The following DMD variants were observed in gnomAD, a reference collection of about 807,000 sequenced individuals.
The protein encoded by DMD is dystrophin, also known as mutant dystrophin.
Under a neutral mutation model 330.1 loss-of-function variants are expected in DMD, and 63 were observed. The ratio of observed to expected loss-of-function variants is 0.19; its 90% CI spans 0.16 to 0.24. The LOEUF (loss-of-function observed/expected upper bound fraction) is 0.24. DMD is among the 10% of genes least tolerant of loss of function. The pLI, the probability that DMD is intolerant of heterozygous loss-of-function variation, is 1.00. For synonymous variants in DMD, 1,223 were observed against 959.8 expected (o/e 1.27, Z -5.07); for missense variants, 3,344 against 2,684.1 (o/e 1.25, Z -5.43).
chrX:32,999,255 C>G (rs1209431974), intron 2 of DMD, among the ~76,000 whole-genome samples: 1 of 112,236 alleles, frequency 8.9e-6, no homozygotes, highest in Non-Finnish European at 1.9e-5. Flanking sequence ...CAGCCCAACA[C>G]AAATTTGTAA....
At chrX:32,575,530 A>AAAGTGAC (rs2052940547) in intron 13 of DMD, among the ~76,000 whole-genome samples, 1 of 112,559 alleles carries the variant, frequency 8.9e-6, no homozygotes. Flanking sequence ...GCGAGCTTAA[A>AAAGTGAC]TCAATGAATT....
At chrX:32,726,413 T>A (rs1486031576) in intron 7 of DMD, among the ~76,000 whole-genome samples, 1 of 111,510 alleles carries the variant, frequency 9.0e-6, no homozygotes, top group Non-Finnish European at 1.9e-5. Context: ...TTATATCTAC[T>A]TGATGGTCAT....
chrX:32,385,810 TG>T (rs1476178392), intron 33 of DMD, among the ~76,000 whole-genome samples: 3 of 110,149 alleles, frequency 2.7e-5, no homozygotes, highest in Non-Finnish European at 5.7e-5. Context: ...TTGCAAGTCT[TG>T]GCCATATAGG....
rs770805258 is a variant in DMD at position 32,573,702 on chromosome X, T to TC, written c.1704+42dup. 1.0e-4 allele frequency: 119 copies of TC among 1,185,839 alleles called. No homozygotes were observed. The East Asian group carries it at 3.1e-3, about 30-fold the overall frequency. The stretch of plus-strand genomic sequence containing the variant: ...AAATCTTTACTTTTCCAATTTAATA[T>TC]CCCCCCGTGTCTTTTACAGCTAGTT... On this transcript the variant is annotated intron_variant, in intron 14 of 78. Transcript: ENST00000357033.
At chrX:32,998,368 CAAAAAAAA>C (rs35708010) in intron 2 of DMD, among the ~76,000 whole-genome samples, 17 of 34,679 alleles carry the variant, frequency 4.9e-4, no homozygotes, top group South Asian at 2.3e-3. Context: ...GACCCAGTGT[CAAAAAAAA>C]AAAAAAAAAA....
rs768125310 is a variant in DMD at position 31,810,170 on chromosome X, T to C, written c.7309+9805A>G. On this transcript the variant is annotated intron_variant, in intron 50 of 78. Coordinates refer to ENST00000357033, the MANE Select transcript of DMD (RefSeq NM_004006.3). ...AAAAGGGTATATATAGACTTTATGA[T>C]GTGACAGAGTCATGGGAAGACCAGT... 1.1e-4 allele frequency among the ~76,000 whole-genome samples: 12 copies of C among 111,605 alleles called. No individual in the cohort carries two copies. In the East Asian group the frequency reaches 3.4e-3, roughly 32 times the overall value.
intron 44 of DMD, among the ~76,000 whole-genome samples, chrX:32,093,579 A>C (rs2096488755): frequency 8.9e-6 from 1 of 112,089 alleles, no homozygotes; most frequent in South Asian, 3.6e-4. Flanking sequence ...ATTAGAAATT[A>C]CCATAAATTA....
At chrX:31,471,935 C>A (rs2067331333) in intron 59 of DMD, among the ~76,000 whole-genome samples, 1 of 112,004 alleles carries the variant, frequency 8.9e-6, no homozygotes, top group East Asian at 2.8e-4. Context: ...ATTGCAATTG[C>A]ATGCTTTGTA....
intron 2 of DMD, among the ~76,000 whole-genome samples, chrX:32,928,625 C>A (rs186408024): frequency 8.9e-6 from 1 of 111,785 alleles, no homozygotes; most frequent in Admixed American, 9.6e-5. Flanking sequence ...GTAAAACTTG[C>A]AATGATTTGT....
chrX:31,646,267 G>T (rs763337184), intron 54 of DMD, among the ~76,000 whole-genome samples: 23 of 110,850 alleles, frequency 2.1e-4, no homozygotes, highest in Non-Finnish European at 3.8e-4. Context: ...GTGTGTGTGT[G>T]TGTGTGTGTG....
intron 1 of DMD, among the ~76,000 whole-genome samples, chrX:33,310,597 T>G (rs910223192): frequency 4.5e-5 from 5 of 111,502 alleles, no homozygotes; most frequent in Non-Finnish European, 9.5e-5. Flanking sequence ...ATTATTCATT[T>G]TAATTAAGTC....
chrX:32,948,864 A>G (rs1435134490), intron 2 of DMD, among the ~76,000 whole-genome samples: 1 of 112,107 alleles, frequency 8.9e-6, no homozygotes, highest in Non-Finnish European at 1.9e-5. Context: ...TAAATATTAC[A>G]TCATGCATCA....
intron 11 of DMD, among the ~76,000 whole-genome samples, chrX:32,618,103 G>C (rs1234747551): frequency 8.9e-6 from 1 of 111,972 alleles, no homozygotes; most frequent in Non-Finnish European, 1.9e-5. Context: ...TGAAAACAGT[G>C]TGGTGATTCC....
chrX:31,329,842 G>T (rs968904306), intron 61 of DMD, among the ~76,000 whole-genome samples: 1 of 107,644 alleles, frequency 9.3e-6, no homozygotes, highest in African/African-American at 3.4e-5. Context: ...GAGGTGGCGC[G>T]CACCTATAGT....
chrX:32,396,976 C>T, intron 30 of DMD, among the ~76,000 whole-genome samples: 1 of 111,286 alleles, frequency 9.0e-6, no homozygotes, highest in South Asian at 3.7e-4. Context: ...GTAACTTGTA[C>T]AAATAACAGA....
At chrX:31,591,327 A>G (rs2148126495) in intron 55 of DMD, among the ~76,000 whole-genome samples, 1 of 111,420 alleles carries the variant, frequency 9.0e-6, no homozygotes, top group East Asian at 2.8e-4. Flanking sequence ...CTTAGTTTTC[A>G]TTGTTACAAG....
chrX:32,720,759 T>C (rs1207637866), intron 7 of DMD, among the ~76,000 whole-genome samples: 1 of 111,465 alleles, frequency 9.0e-6, no homozygotes, highest in Non-Finnish European at 1.9e-5. Context: ...ACACTACATT[T>C]TACCCCATTA....
chrX:31,431,973 C>T (rs1449531884), intron 60 of DMD, among the ~76,000 whole-genome samples: 1 of 109,235 alleles, frequency 9.2e-6, no homozygotes, highest in Non-Finnish European at 1.9e-5. Context: ...CGTCACCATG[C>T]CTGGCTAATT....
At chrX:31,241,171 C>T (rs932050253) in intron 63 of DMD, among the ~76,000 whole-genome samples, 5 of 111,552 alleles carry the variant, frequency 4.5e-5, no homozygotes, top group Non-Finnish European at 9.4e-5. Flanking sequence ...ACTCTTTCTT[C>T]GGTTCCCCTT....
Sources: allele counts gnomAD v4.1 joint callset (sites outside exome capture counted in the v4.1 genomes callset), GRCh38; gene constraint gnomAD v4.1.1; transcripts MANE v1.5; gene names NCBI Gene and HGNC (gene_info 2026-07-23, HGNC 2026-07-21).